The following PTPRR variants were observed in gnomAD, a reference collection of about 807,000 sequenced individuals.
PTPRR encodes protein tyrosine phosphatase receptor type R.
In PTPRR, 38 loss-of-function variants were observed where a neutral mutation model predicts 77.2. That is an observed-to-expected ratio of 0.49 (90% CI 0.38 to 0.65). PTPRR has a LOEUF of 0.65. PTPRR is among the 30% of genes least tolerant of loss of function. PTPRR has a pLI of 0.00. For synonymous variants in PTPRR, 299 were observed against 283.1 expected, an observed-to-expected ratio of 1.06 and a Z score of -0.57; for missense variants, 744 against 799.2, an observed-to-expected ratio of 0.93 and a Z score of 0.83.
chr12:70,865,731 T>C lies in PTPRR; in HGVS notation c.357+26948A>G, dbSNP rs184650132. On this transcript the variant is annotated intron_variant, in intron 2 of 13. Coordinates refer to ENST00000283228, the MANE Select transcript of PTPRR (RefSeq NM_002849.4). ...TCCTCTAAGATGTATGTTAATGCTT[T>C]GTTTTAGAATCACTGTTGTAAACTC... Among the ~76,000 whole-genome samples the C allele has an allele frequency of 9.7e-4, 148 of 152,342 alleles. 2 individuals carry two copies. Among genetic ancestry groups the C allele is most frequent in the South Asian group, 4.1e-4 (2 of 4,834 alleles).
In PTPRR at chr12:70,761,624, T is replaced by C; in HGVS notation, c.474A>G (p.Gly158=). The C allele has an allele frequency of 6.4e-7, 1 of 1,556,826 alleles. No homozygotes were observed. Among genetic ancestry groups the C allele is most frequent in the Non-Finnish European group, 8.7e-7 (1 of 1,151,214 alleles). Residue 158 remains glycine, a splice_region_variant and synonymous_variant, in exon 4 of 14, where the codon GGA becomes GGG. Coordinates refer to ENST00000283228, the MANE Select transcript of PTPRR (RefSeq NM_002849.4). ...PQQVHINRLI[G]KKNSIELFVS... ...CAAACAGTTCAATACTGTTCTTCTTTCCCTAATAAAAGCAGAATATTTGTA... is the reference window on the plus strand; with the variant it reads ...CAAACAGTTCAATACTGTTCTTCTTCCCCTAATAAAAGCAGAATATTTGTA...
At chr12:70,806,210 C>T (rs1225228649) in intron 2 of PTPRR, among the ~76,000 whole-genome samples, 2 of 152,132 alleles carry the variant, frequency 1.3e-5, no homozygotes, top group Non-Finnish European at 2.9e-5. Context: ...GTTTGGAAAT[C>T]ATTTCAAATG....
chr12:70,704,289 T>C (rs571362874), intron 6 of PTPRR, among the ~76,000 whole-genome samples: 1 of 152,022 alleles, frequency 6.6e-6, no homozygotes, highest in East Asian at 1.9e-4. Context: ...GTTGTGGTGC[T>C]TGCCTGTAGT....
intron 2 of PTPRR, among the ~76,000 whole-genome samples, chr12:70,776,668 G>A (rs1181363695): frequency 6.6e-6 from 1 of 151,928 alleles, no homozygotes; most frequent in African/African-American, 2.4e-5. Context: ...AGTGCTAGGG[G>A]CTCTTTCTTC....
intron 2 of PTPRR, among the ~76,000 whole-genome samples, chr12:70,827,687 A>C (rs1018502348): frequency 1.5e-5 from 2 of 131,742 alleles, no homozygotes; most frequent in Admixed American, 7.9e-5. Flanking sequence ...ATGGGATTAT[A>C]GGTGCCTGCC....
At chr12:70,663,355 T>C (rs914656282) in intron 10 of PTPRR, among the ~76,000 whole-genome samples, 8 of 152,356 alleles carry the variant, frequency 5.3e-5, no homozygotes, top group African/African-American at 1.9e-4. Flanking sequence ...CTACCATTCA[T>C]TACCTGTGAA....
At chr12:70,864,720 G>A (rs1377644264) in intron 2 of PTPRR, among the ~76,000 whole-genome samples, 1 of 152,096 alleles carries the variant, frequency 6.6e-6, no homozygotes. Context: ...GTTGTGGGAG[G>A]GACCTGGTGA....
At chr12:70,672,108 A>G (rs1887249776) in intron 10 of PTPRR, 1 of 1,392,484 alleles carries the variant, frequency 7.2e-7, no homozygotes, top group Admixed American at 1.7e-5. Flanking sequence ...ATGCTCCCCA[A>G]AATGATGACA....
chr12:70,823,108 GACACACAC>G (rs58549756), intron 2 of PTPRR, among the ~76,000 whole-genome samples: 15,975 of 139,588 alleles, frequency 0.11, 1,037 homozygotes, highest in Non-Finnish European at 0.15. Flanking sequence ...CTCTCTCTCT[GACACACAC>G]ACACACACAC....
At chr12:70,878,247 A>C (rs1360940229) in intron 2 of PTPRR, among the ~76,000 whole-genome samples, 1 of 152,220 alleles carries the variant, frequency 6.6e-6, no homozygotes, top group Non-Finnish European at 1.5e-5. Context: ...AAAATTGACA[A>C]ATGGGATCTA....
At chr12:70,901,744 A>G (rs1893537814) in intron 1 of PTPRR, among the ~76,000 whole-genome samples, 2 of 151,810 alleles carry the variant, frequency 1.3e-5, no homozygotes, top group East Asian at 3.9e-4. Context: ...AAAAAGAAAG[A>G]TAAATAGTTG....
At chr12:70,781,974 T>A (rs1891211970) in intron 2 of PTPRR, among the ~76,000 whole-genome samples, 1 of 152,212 alleles carries the variant, frequency 6.6e-6, no homozygotes, top group Non-Finnish European at 1.5e-5. Flanking sequence ...CTTCATGAGT[T>A]TTTCATATCC....
Position 70,701,199 on chromosome 12 carries a change from G to T in PTPRR, c.1132C>A (p.Leu378Ile), listed in dbSNP as rs756028877. ...ACGTCCCTCAGCTGAGACCTTGTGA[G>T]AATTCGGCTGGCTGACTGCAGATAC... ...MEYLQSASRI[L>I]TRSQLRDVVA... The change falls in exon 7 of 14, where the codon CTC (leucine) becomes ATC (isoleucine). Residue 378 changes from leucine (L) to isoleucine (I), a missense_variant. Around this residue, in one of 3 missense-constraint regions of PTPRR, gnomAD observed 570 missense variants for 573.2 expected, o/e 0.99. Transcript: ENST00000283228. 6.2e-7 allele frequency: 1 copy of T among 1,613,962 alleles called. No individual in the cohort carries two copies. Among genetic ancestry groups the T allele is most frequent in the Admixed American group, 1.7e-5 (1 of 59,946 alleles).
intron 2 of PTPRR, among the ~76,000 whole-genome samples, chr12:70,887,132 A>G (rs1005239705): frequency 6.6e-6 from 1 of 152,170 alleles, no homozygotes; most frequent in Non-Finnish European, 1.5e-5. Context: ...TTGTTCCTGA[A>G]AACTATCCAA....
At chr12:70,689,900 C>G (rs1887998702) in intron 8 of PTPRR, among the ~76,000 whole-genome samples, 2 of 152,208 alleles carry the variant, frequency 1.3e-5, no homozygotes, top group Admixed American at 1.3e-4. Flanking sequence ...TGGCTGAGAA[C>G]TTGGTAGGAT....
chr12:70,892,818 T>A lies in PTPRR; in HGVS notation c.218A>T (p.Gln73Leu). The A allele has an allele frequency of 6.2e-7, 1 of 1,613,542 alleles. No individual in the cohort carries two copies. The highest frequency in any genetic ancestry group is 8.5e-7 in the Non-Finnish European group (1 of 1,179,576). The change falls in exon 2 of 14, where the codon CAA (glutamine) becomes CTA (leucine). Residue 73 changes from glutamine to leucine, a missense_variant. By Grantham distance (113) the Gln-to-Leu change is moderately radical (BLOSUM62 -2). Coordinates refer to ENST00000283228, the MANE Select transcript of PTPRR (RefSeq NM_002849.4). ...GACAATCTGGTGGCGTTTGCTTACT[T>A]GAGCTTCGGAAGAGGAATGGTAGCT... is the stretch of plus-strand genomic sequence containing the variant. ...RHSYHSSSEA[Q>L]VSKRHQIVNS... is the part of the protein sequence containing the mutation.
intron 12 of PTPRR, among the ~76,000 whole-genome samples, chr12:70,658,623 G>A (rs12832938): frequency 0.18 from 27,322 of 151,962 alleles, 3,286 homozygotes; most frequent in African/African-American, 0.35. Context: ...AGAACAGCTT[G>A]TCTTGAAGAG....
At chr12:70,828,795 A>G (rs1420028964) in intron 2 of PTPRR, among the ~76,000 whole-genome samples, 1 of 152,228 alleles carries the variant, frequency 6.6e-6, no homozygotes, top group Non-Finnish European at 1.5e-5. Flanking sequence ...TCTCAGAATA[A>G]ACCACTTAAT....
chr12:70,892,450 A>G (rs1177592746), intron 2 of PTPRR, among the ~76,000 whole-genome samples: 1 of 152,036 alleles, frequency 6.6e-6, no homozygotes, highest in East Asian at 1.9e-4. Flanking sequence ...ACCATGTACC[A>G]TGCATTCTGC....
Sources: gnomAD v4.1 joint callset for allele counts (sites outside exome capture counted in the v4.1 genomes callset) on GRCh38, gnomAD v4.1.1 for gene constraint, gnomAD v4.1.1 regional missense constraint, MANE v1.5 for transcripts, NCBI Gene and HGNC (gene_info 2026-07-23, HGNC 2026-07-21) for gene names.